Variants in ADAMTS9 observed in about 807,000 individuals in gnomAD.
ADAMTS9 encodes A disintegrin and metalloproteinase with thrombospondin motifs 9.
A neutral mutation model predicts 257.1 loss-of-function variants in ADAMTS9; 107 were observed. The observed-to-expected ratio is 0.42, with a 90% CI of 0.36 to 0.49. ADAMTS9 has a LOEUF of 0.49. Ranked by LOEUF, ADAMTS9 falls within the 20% of genes least tolerant of loss-of-function variation. ADAMTS9 has a pLI of 0.03. For missense variants in ADAMTS9, 2,353 were observed against 2,469.1 expected, an observed-to-expected ratio of 0.95 and a Z score of 1.00; for synonymous variants, 982 against 880.9, an observed-to-expected ratio of 1.11 and a Z score of -2.03.
chr3:64,606,495 A>G (rs897145092), intron 23 of ADAMTS9, among the ~76,000 whole-genome samples: 3 of 152,206 alleles, frequency 2.0e-5, no homozygotes, highest in Non-Finnish European at 4.4e-5. Flanking sequence ...TTTGCTTTTA[A>G]TACCCTACAT....
chr3:64,649,829 G>C (rs1307998915), intron 9 of ADAMTS9, 51 bp from the exon 10 acceptor site: 1 of 1,572,210 alleles, frequency 6.4e-7, no homozygotes. Context: ...GGCTGTCAAG[G>C]TCTCCCCCAG....
intron 3 of ADAMTS9, among the ~76,000 whole-genome samples, chr3:64,665,882 C>T (rs1244931180): frequency 3.3e-5 from 5 of 152,068 alleles, no homozygotes; most frequent in Non-Finnish European, 7.4e-5. Flanking sequence ...CATCTTATGG[C>T]TATTTTGAGA....
In ADAMTS9 at chr3:64,657,963, A is replaced by G. The variant is rs377631940; in HGVS notation, c.969+539T>C. 9.8e-5 allele frequency among the ~76,000 whole-genome samples: 15 copies of G among 152,306 alleles called. No homozygotes were observed. In the East Asian group the frequency reaches 2.3e-3, roughly 24 times the overall value. On this transcript the variant is annotated intron_variant, in intron 4 of 39. Transcript: ENST00000498707. ...CCTCCTAGGCCTCACTCCCCAGGCT[A>G]CTTAATTAGAATCCTGGGGAAGAGG...
At chr3:64,576,203 C>T (rs1196256473) in intron 28 of ADAMTS9, among the ~76,000 whole-genome samples, 1 of 152,218 alleles carries the variant, frequency 6.6e-6, no homozygotes, top group East Asian at 1.9e-4. Context: ...CCCTTTTCTA[C>T]TCCATCATTC....
chr3:64,563,789 T>C (rs2083472171), intron 29 of ADAMTS9, among the ~76,000 whole-genome samples: 1 of 152,264 alleles, frequency 6.6e-6, no homozygotes, highest in South Asian at 2.1e-4. Context: ...ATGACTTAAG[T>C]GCTCACAGCA....
At position 64,631,642 on chromosome 3, in the gene ADAMTS9, A is replaced by G. The variant is rs1201050200; in HGVS notation, c.2294-92T>C. ...AAAGTGGACAACAAAGGAATAGAAT[A>G]TAATTCTCATATAATTCTATTAGGT... On this transcript the variant is annotated intron_variant, in intron 15 of 39. Coordinates refer to ENST00000498707, the MANE Select transcript of ADAMTS9 (RefSeq NM_182920.2). 6 of 1,254,222 alleles carry G rather than the reference A, an allele frequency of 4.8e-6. No homozygotes were observed. The South Asian group carries it at 6.1e-5, about 13-fold the overall frequency. The allele number at this position is 1,254,222 out of a possible 1,614,324, so 77.7% of individuals were successfully genotyped here.
chr3:64,615,183 G>A (rs1448454900), intron 21 of ADAMTS9, 138 bp downstream of exon 21: 14 of 1,017,172 alleles, frequency 1.4e-5, no homozygotes, highest in Non-Finnish European at 2.0e-5. Context: ...GAGAACTGGA[G>A]TTGTTTTCTC....
At chr3:64,621,791 AAT>A (rs1491071502) in intron 18 of ADAMTS9, among the ~76,000 whole-genome samples, 9 of 132,254 alleles carry the variant, frequency 6.8e-5, no homozygotes, top group Middle Eastern at 4.1e-3. Context: ...AAAATAAAAA[AAT>A]AAAAAGAAAA....
At chr3:64,588,041 A>G (rs1253444894) in intron 28 of ADAMTS9, 3 of 152,146 alleles carry the variant, frequency 2.0e-5, no homozygotes, top group Non-Finnish European at 2.9e-5. Context: ...GATTGGAAGC[A>G]TATTCTCCAA....
intron 39 of ADAMTS9, among the ~76,000 whole-genome samples, chr3:64,518,624 G>T (rs191023063): frequency 6.7e-4 from 102 of 152,208 alleles, no homozygotes; most frequent in African/African-American, 2.2e-3. Context: ...TTTCTAACAA[G>T]TTCCTAGGTA....
intron 3 of ADAMTS9, among the ~76,000 whole-genome samples, chr3:64,679,549 AT>A (rs1332915017): frequency 6.6e-6 from 1 of 152,186 alleles, no homozygotes; most frequent in Non-Finnish European, 1.5e-5. Flanking sequence ...ATAAATAGTC[AT>A]TTTTTAAAAT....
chr3:64,636,545 G>A (rs1700500381), intron 12 of ADAMTS9, among the ~76,000 whole-genome samples: 1 of 152,174 alleles, frequency 6.6e-6, no homozygotes, highest in Non-Finnish European at 1.5e-5. Flanking sequence ...CACAGTAAGT[G>A]ATTAATAAAA....
At chr3:64,557,112 G>T (rs1559762133) in intron 30 of ADAMTS9, among the ~76,000 whole-genome samples, 1 of 152,154 alleles carries the variant, frequency 6.6e-6, no homozygotes, top group Non-Finnish European at 1.5e-5. Flanking sequence ...ATTGGCAAAG[G>T]CTTCTGAGAG....
At chr3:64,651,216 C>T in intron 8 of ADAMTS9, 53 bp from the exon 9 acceptor site, 1 of 1,479,192 alleles carries the variant, frequency 6.8e-7, no homozygotes, top group Middle Eastern at 1.8e-4. Context: ...AGGGATCATG[C>T]TGTTCTAATT....
chr3:64,624,760 T>A (rs1472816288), intron 16 of ADAMTS9, among the ~76,000 whole-genome samples: 2 of 152,242 alleles, frequency 1.3e-5, no homozygotes, highest in Admixed American at 1.3e-4. Context: ...AAAATGAAGA[T>A]GTAATTTTGT....
chr3:64,647,870 T>C, intron 11 of ADAMTS9, 70 bp downstream of exon 11: 3 of 1,371,192 alleles, frequency 2.2e-6, no homozygotes, highest in Admixed American at 2.0e-5. Flanking sequence ...AACATCGGTG[T>C]CTGATCATAC....
chr3:64,546,203 T>A (rs530583729), intron 32 of ADAMTS9, among the ~76,000 whole-genome samples: 1 of 152,150 alleles, frequency 6.6e-6, no homozygotes, highest in Non-Finnish European at 1.5e-5. Flanking sequence ...GTATCCCTTA[T>A]TGGAAGTGCT....
At chr3:64,584,422 A>G (rs2084092688) in intron 28 of ADAMTS9, among the ~76,000 whole-genome samples, 1 of 152,212 alleles carries the variant, frequency 6.6e-6, no homozygotes, top group Non-Finnish European at 1.5e-5. Flanking sequence ...GAAAAGGCCA[A>G]TAAAAAAGTA....
chr3:64,649,129 A>G (rs1700869058), intron 10 of ADAMTS9, among the ~76,000 whole-genome samples: 1 of 152,142 alleles, frequency 6.6e-6, no homozygotes, highest in Admixed American at 6.5e-5. Flanking sequence ...ACTATCACAC[A>G]GCCACCCCAG....
Sources: gnomAD v4.1 joint callset for allele counts (sites outside exome capture counted in the v4.1 genomes callset) on GRCh38, gnomAD v4.1.1 for gene constraint, MANE v1.5 for transcripts, NCBI Gene and HGNC (gene_info 2026-07-23, HGNC 2026-07-21) for gene names.